RYR2: variants seen among roughly 807,000 people sequenced by gnomAD.
RYR2 encodes cardiac muscle ryanodine receptor-calcium release channel.
Under a neutral mutation model 601.1 loss-of-function variants are expected in RYR2, and 227 were observed. The observed-to-expected ratio is 0.38, with a 90% CI of 0.34 to 0.42. The LOEUF is 0.42. Among genes scored for constraint, RYR2 ranks in the 10% least tolerant of loss-of-function variants. RYR2 has a pLI of 1.00. For missense variants in RYR2, 4,646 were observed against 6,156.5 expected, an observed-to-expected ratio of 0.75 and a Z score of 8.21; for synonymous variants, 2,223 against 2,175.1, an observed-to-expected ratio of 1.02 and a Z score of -0.61.
At chr1:237,144,955 A>G (rs1673825261) in intron 1 of RYR2, among the ~76,000 whole-genome samples, 1 of 152,070 alleles carries the variant, frequency 6.6e-6, no homozygotes, top group East Asian at 1.9e-4. Flanking sequence ...TTGTACCACT[A>G]TACATGATTC....
intron 17 of RYR2, among the ~76,000 whole-genome samples, chr1:237,477,806 T>TA (rs149709590): frequency 0.028 from 4,194 of 152,222 alleles, 202 homozygotes; most frequent in African/African-American, 0.096. Flanking sequence ...GCCCTTTTAG[T>TA]CCTAAGCTTT....
intron 1 of RYR2, among the ~76,000 whole-genome samples, chr1:237,189,568 T>C (rs1679739140): frequency 6.6e-6 from 1 of 152,164 alleles, no homozygotes; most frequent in Non-Finnish European, 1.5e-5. Flanking sequence ...AGTGTTCTTA[T>C]AAGAAAAGGC....
At chr1:237,117,755 C>CTCTTCTCTTCTCTTCTCT (rs1670297237) in intron 1 of RYR2, among the ~76,000 whole-genome samples, 6 of 126,572 alleles carry the variant, frequency 4.7e-5, no homozygotes, top group Admixed American at 1.7e-4. Flanking sequence ...CTCTTCTCTT[C>CTCTTCTCTTCTCTTCTCT]TCTGTTCTGA....
intron 2 of RYR2, among the ~76,000 whole-genome samples, chr1:237,283,016 G>T (rs902932223): frequency 3.3e-5 from 5 of 152,132 alleles, no homozygotes; most frequent in African/African-American, 1.2e-4. Flanking sequence ...TGCACACTTA[G>T]ACATGCATAA....
intron 1 of RYR2, among the ~76,000 whole-genome samples, chr1:237,112,995 T>G (rs1233103153): frequency 6.6e-6 from 1 of 152,074 alleles, no homozygotes; most frequent in Non-Finnish European, 1.5e-5. Flanking sequence ...GGGGACTCTG[T>G]TCACATGTAC....
chr1:237,512,166 A>G (rs962688240), intron 24 of RYR2, among the ~76,000 whole-genome samples: 8 of 152,210 alleles, frequency 5.3e-5, no homozygotes, highest in South Asian at 2.1e-4. Flanking sequence ...ATTAAGAGCA[A>G]GTGTTTATAA....
intron 16 of RYR2, among the ~76,000 whole-genome samples, chr1:237,462,962 C>G (rs1212627198): frequency 6.6e-6 from 1 of 152,148 alleles, no homozygotes; most frequent in Non-Finnish European, 1.5e-5. Context: ...TAGGAGTCCT[C>G]AGACTCCAGT....
chr1:237,448,299 C>T (rs369762433), intron 14 of RYR2, among the ~76,000 whole-genome samples: 4 of 152,140 alleles, frequency 2.6e-5, no homozygotes, highest in South Asian at 2.1e-4. Context: ...TCCAAATATT[C>T]GGGGATTTCC....
At chr1:237,296,527 G>A (rs1692799113) in intron 2 of RYR2, among the ~76,000 whole-genome samples, 1 of 152,152 alleles carries the variant, frequency 6.6e-6, no homozygotes, top group African/African-American at 2.4e-5. Flanking sequence ...GATGAGGAAG[G>A]CAGAAGTCAT....
At chr1:237,342,432 G>A (rs1007624454) in intron 3 of RYR2, among the ~76,000 whole-genome samples, 3 of 151,830 alleles carry the variant, frequency 2.0e-5, no homozygotes, top group Admixed American at 6.6e-5. Flanking sequence ...GGGATTACAG[G>A]TGTGAGCCAC....
chr1:237,662,738 C>T lies in RYR2; in HGVS notation c.8436+1791C>T, dbSNP rs192075607. Among the ~76,000 whole-genome samples the T allele has an allele frequency of 3.0e-3, 452 of 152,308 alleles. 1 individual carries two copies. Among genetic ancestry groups the T allele is most frequent in the African/African-American group, 0.01 (428 of 41,568 alleles). On this transcript the variant is annotated intron_variant, in intron 56 of 104. Coordinates refer to ENST00000366574, the MANE Select transcript of RYR2 (RefSeq NM_001035.3). ...CCATCTCTCATGTCTTAGTGATTTTCACGGTGACATGTGATTTTTGAAATT... is the reference window on the plus strand; with the variant it reads ...CCATCTCTCATGTCTTAGTGATTTTTACGGTGACATGTGATTTTTGAAATT...
At chr1:237,417,200 G>A in intron 11 of RYR2, 77 bp downstream of exon 11, 1 of 1,136,082 alleles carries the variant, frequency 8.8e-7, no homozygotes, top group Non-Finnish European at 1.3e-6. Context: ...GTGTCAGCCT[G>A]TGATGCTGAA....
chr1:237,103,465 G>A (rs1206907943), intron 1 of RYR2, among the ~76,000 whole-genome samples: 1 of 152,220 alleles, frequency 6.6e-6, no homozygotes, highest in Non-Finnish European at 1.5e-5. Context: ...TACCTCAGGT[G>A]TTGGTGCTGA....
At chr1:237,145,909 A>T (rs1673948032) in intron 1 of RYR2, among the ~76,000 whole-genome samples, 1 of 152,244 alleles carries the variant, frequency 6.6e-6, no homozygotes, top group South Asian at 2.1e-4. Flanking sequence ...TAAAGTTAAA[A>T]GGGTTTTCTC....
chr1:237,062,877 C>T (rs971003951), intron 1 of RYR2, among the ~76,000 whole-genome samples: 7 of 151,918 alleles, frequency 4.6e-5, no homozygotes, highest in Non-Finnish European at 1.0e-4. Flanking sequence ...TTGTGTTTGG[C>T]AGCTGAATTC....
At chr1:237,049,530 A>G (rs1461759474) in intron 1 of RYR2, among the ~76,000 whole-genome samples, 1 of 152,138 alleles carries the variant, frequency 6.6e-6, no homozygotes, top group Admixed American at 6.5e-5. Context: ...CTTAGGGTCA[A>G]CCAGACTCAA....
chr1:237,614,733 A>G lies in RYR2; in HGVS notation c.5605A>G (p.Ser1869Gly). ...GAGTGACACGCTGGAGAAAGAGCTC[A>G]GTGTGGACGATGCAAAGCTGCAAGG... Reference protein sequence around the residue: ...EESDTLEKELSVDDAKLQGAG... With the variant: ...EESDTLEKELGVDDAKLQGAG... Residue 1869 changes from serine (S) to glycine (G), a missense_variant, in exon 37 of 105, where the codon AGT becomes GGT. Ser to Gly is a moderately conservative substitution (Grantham distance 56, BLOSUM62 0). This residue lies in a region of RYR2 where 1,807 missense variants were observed against 2,088.1 expected (regional missense o/e 0.87). Coordinates refer to ENST00000366574, the MANE Select transcript of RYR2 (RefSeq NM_001035.3). The surrounding 1 kb of genome is among the most constrained non-coding windows in gnomAD (Gnocchi z 4.3). The G allele has an allele frequency of 6.2e-7, 1 of 1,614,014 alleles. No individual in the cohort carries two copies. Among genetic ancestry groups the G allele is most frequent in the East Asian group, 2.2e-5 (1 of 44,870 alleles).
At chr1:237,146,260 A>C (rs1350019289) in intron 1 of RYR2, among the ~76,000 whole-genome samples, 2 of 152,210 alleles carry the variant, frequency 1.3e-5, no homozygotes, top group African/African-American at 4.8e-5. Flanking sequence ...CGTTGATTCC[A>C]GTTGTTTTAA....
Position 237,784,626 on chromosome 1 carries a change from T to A in RYR2, c.12914T>A (p.Phe4305Tyr). The A allele has an allele frequency of 6.2e-7, 1 of 1,613,766 alleles. No homozygotes were observed. Among genetic ancestry groups the A allele is most frequent in the Non-Finnish European group, 8.5e-7 (1 of 1,179,808 alleles). Residue 4305 changes from phenylalanine (F) to tyrosine (Y), a missense_variant, in exon 90 of 105, where the codon TTT becomes TAT. By Grantham distance (22) the Phe-to-Tyr change is conservative. This residue lies in a region of RYR2 where 364 missense variants were observed against 442.9 expected (regional missense o/e 0.82). Transcript: ENST00000366574. This position sits in a 1 kb window ranked among gnomAD's most constrained non-coding sequence, Gnocchi z 7.1. ...LHFVASVFRG[F>Y]FRIICSLLLG... ...TTCGTGGCCAGCGTTTTCAGAGGCT[T>A]TTTCCGCATCATTTGCAGCCTGCTG...
Sources: gnomAD v4.1 joint callset for allele counts (sites outside exome capture counted in the v4.1 genomes callset) on GRCh38, gnomAD v4.1.1 for gene constraint, gnomAD v4.1.1 regional missense constraint, Gnocchi (gnomAD v3.1) non-coding constraint, MANE v1.5 for transcripts, NCBI Gene and HGNC (gene_info 2026-07-23, HGNC 2026-07-21) for gene names.